Variants in RBFOX1 observed in about 807,000 individuals in gnomAD.
RBFOX1 encodes the protein RNA binding fox-1 homolog 1.
A neutral mutation model predicts 57.7 loss-of-function variants in RBFOX1; 8 were observed. That is an observed-to-expected ratio of 0.14 (90% CI 0.08 to 0.25). RBFOX1 has a LOEUF of 0.25. RBFOX1 is among the 10% of genes least tolerant of loss of function. The pLI is 1.00. For missense variants in RBFOX1, 611 were observed against 548.5 expected, an observed-to-expected ratio of 1.11 and a Z score of -1.14; for synonymous variants, 326 against 222.4, an observed-to-expected ratio of 1.47 and a Z score of -4.15.
chr16:7,694,262 A>G (rs754123058), intron 14 of RBFOX1, among the ~76,000 whole-genome samples: 12 of 152,206 alleles, frequency 7.9e-5, no homozygotes, highest in Non-Finnish European at 1.6e-4. Flanking sequence ...CATGACCTTC[A>G]GACACATACA....
intron 4 of RBFOX1, among the ~76,000 whole-genome samples, chr16:5,968,841 T>C (rs940359875): frequency 6.6e-6 from 1 of 152,140 alleles, no homozygotes; most frequent in African/African-American, 2.4e-5. Flanking sequence ...CTTATCTCTA[T>C]TTTACCCATC....
chr16:6,256,255 ATGTG>A (rs774666870), intron 1 of RBFOX1, among the ~76,000 whole-genome samples: 24 of 110,404 alleles, frequency 2.2e-4, no homozygotes, highest in African/African-American at 1.0e-3. Flanking sequence ...ATGTATATAT[ATGTG>A]TATATATATA....
chr16:6,038,119 A>G (rs1430818356), intron 1 of RBFOX1: 1 of 151,762 alleles, frequency 6.6e-6, no homozygotes, highest in Non-Finnish European at 1.5e-5. Flanking sequence ...AAACTTTTTC[A>G]TATATACTTG....
Position 5,374,038 on chromosome 16 carries a change from C to T in RBFOX1, c.220-93178C>T, listed in dbSNP as rs577309495. 1.0e-4 allele frequency among the ~76,000 whole-genome samples: 16 copies of T among 152,382 alleles called. No homozygotes were observed. The South Asian group carries it at 3.3e-3, about 32-fold the overall frequency. On this transcript the variant is annotated intron_variant, in intron 1 of 2. Transcript: ENST00000585867. ...GTTCAAGCGATTCTCCTGCCTCACCCTCCTGAGTAGCTGCGATTACAGGCA... is the reference window on the plus strand; with the variant it reads ...GTTCAAGCGATTCTCCTGCCTCACCTTCCTGAGTAGCTGCGATTACAGGCA...
rs753461650 is a variant in RBFOX1, at chr16:6,838,004, AC to A, written c.-16+183358del. Reference sequence around the variant, plus strand: ...TCCATGGCAATACTGGGAAGTTACCACCCCTTTTTTTTTTTTTCCATTTTAC... The same window carrying A: ...TCCATGGCAATACTGGGAAGTTACCACCCTTTTTTTTTTTTTCCATTTTAC... On this transcript the variant is annotated intron_variant, in intron 3 of 15. Coordinates refer to ENST00000550418, the MANE Select transcript of RBFOX1 (RefSeq NM_018723.4). 2.6e-3 allele frequency among the ~76,000 whole-genome samples: 267 copies of A among 103,366 alleles called. 4 individuals are homozygous for A. The highest frequency in any genetic ancestry group is 0.019 in the Admixed American group (216 of 11,520). 67.8% of individuals were successfully genotyped at this position (103,366 alleles called of 152,430 possible). A position where few individuals can be genotyped will look rare whatever the true frequency, so the allele number is the denominator to read the frequency against.
chr16:6,942,596 A>T (rs1349278496), intron 3 of RBFOX1, among the ~76,000 whole-genome samples: 2 of 152,138 alleles, frequency 1.3e-5, no homozygotes, highest in Non-Finnish European at 2.9e-5. Context: ...TTGGGTGATC[A>T]AGACAGAGTG....
At chr16:6,937,480 T>C (rs151227806) in intron 3 of RBFOX1, among the ~76,000 whole-genome samples, 3 of 152,134 alleles carry the variant, frequency 2.0e-5, no homozygotes, top group African/African-American at 7.2e-5. Context: ...GGTGAAGATA[T>C]TTATTCTGAG....
At chr16:6,568,463 A>G (rs1304562497) in intron 2 of RBFOX1, among the ~76,000 whole-genome samples, 1 of 152,170 alleles carries the variant, frequency 6.6e-6, no homozygotes, top group Non-Finnish European at 1.5e-5. Context: ...GAAGGGAGAG[A>G]TGCTAAGATG....
intron 4 of RBFOX1, among the ~76,000 whole-genome samples, chr16:7,449,481 C>T (rs967577971): frequency 3.3e-5 from 5 of 152,088 alleles, no homozygotes; most frequent in African/African-American, 1.2e-4. Flanking sequence ...CACTAACGCG[C>T]CCCTTGCCAA....
intron 3 of RBFOX1, among the ~76,000 whole-genome samples, chr16:6,717,914 G>C (rs1427209699): frequency 6.6e-6 from 1 of 152,094 alleles, no homozygotes; most frequent in African/African-American, 2.4e-5. Context: ...TCCTATACTG[G>C]GATAAAGCTT....
intron 4 of RBFOX1, among the ~76,000 whole-genome samples, chr16:7,321,547 G>C (rs562080825): frequency 6.6e-6 from 1 of 152,282 alleles, no homozygotes; most frequent in South Asian, 2.1e-4. Flanking sequence ...CACAAGCTGT[G>C]TGATTTTGGG....
rs5815350 is a variant in RBFOX1 at position 6,842,652 on chromosome 16, C to CTTTT, written c.-16+188012_-16+188015dup. 2.3e-4 allele frequency among the ~76,000 whole-genome samples: 32 copies of CTTTT among 141,896 alleles called. No individual in the cohort carries two copies. The East Asian group carries it at 2.6e-3, about 12-fold the overall frequency. 93.1% of individuals were successfully genotyped at this position (141,896 alleles called of 152,430 possible). A position where few individuals can be genotyped will look rare whatever the true frequency, so the allele number is the denominator to read the frequency against. ...AGACTGTTTTTTTTAAATCTATTTG[C>CTTTT]TTTTTTTTTTTTTAATTTTACTTCA... is the stretch of plus-strand genomic sequence containing the variant. On this transcript the variant is annotated intron_variant, in intron 3 of 15. Transcript: ENST00000550418.
At chr16:7,693,158 A>G (rs574468686) in intron 14 of RBFOX1, among the ~76,000 whole-genome samples, 4 of 152,144 alleles carry the variant, frequency 2.6e-5, no homozygotes, top group African/African-American at 7.2e-5. Context: ...TTATTTCATG[A>G]TCTTTCTAAA....
intron 3 of RBFOX1, among the ~76,000 whole-genome samples, chr16:6,811,612 A>C (rs2088609060): frequency 6.6e-6 from 1 of 152,180 alleles, no homozygotes; most frequent in African/African-American, 2.4e-5. Flanking sequence ...ACAGGAGGCC[A>C]GTTACGGTGC....
intron 2 of RBFOX1, among the ~76,000 whole-genome samples, chr16:6,352,009 C>T (rs2086490892): frequency 6.6e-6 from 1 of 152,116 alleles, no homozygotes; most frequent in South Asian, 2.1e-4. Flanking sequence ...TTTACCCAAA[C>T]CTACCCTTTT....
At chr16:7,200,793 C>A (rs1274221441) in intron 4 of RBFOX1, among the ~76,000 whole-genome samples, 1 of 152,164 alleles carries the variant, frequency 6.6e-6, no homozygotes, top group Non-Finnish European at 1.5e-5. Context: ...CTAATAGGGA[C>A]TAACTCATCG....
intron 3 of RBFOX1, among the ~76,000 whole-genome samples, chr16:6,809,674 G>A (rs2087909437): frequency 6.6e-6 from 1 of 152,170 alleles, no homozygotes. Context: ...AAGTTCAGGT[G>A]AGATACGTAG....
intron 3 of RBFOX1, among the ~76,000 whole-genome samples, chr16:6,695,256 C>T (rs909059976): frequency 1.3e-5 from 2 of 151,714 alleles, no homozygotes; most frequent in South Asian, 4.2e-4. Context: ...TCCGTCTCTA[C>T]TGAAAATAAA....
At chr16:6,945,776 AG>A (rs1173246726) in intron 3 of RBFOX1, among the ~76,000 whole-genome samples, 1 of 152,292 alleles carries the variant, frequency 6.6e-6, no homozygotes, top group East Asian at 1.9e-4. Context: ...CTGTAATCCC[AG>A]CTACTTCGGA....
Sources: gnomAD v4.1 joint callset for allele counts (sites outside exome capture counted in the v4.1 genomes callset) on GRCh38, gnomAD v4.1.1 for gene constraint, MANE v1.5 for transcripts, NCBI Gene and HGNC (gene_info 2026-07-23, HGNC 2026-07-21) for gene names.